LAG3: variants seen among roughly 807,000 people sequenced by gnomAD.
LAG3 encodes lymphocyte activation gene 3 protein.
A neutral mutation model predicts 49.0 loss-of-function variants in LAG3; 29 were observed. That is an observed-to-expected ratio of 0.59 (90% CI 0.44 to 0.81). The LOEUF (loss-of-function observed/expected upper bound fraction) is 0.81, where lower values mean the gene tolerates loss of function less well. LAG3 is among the 30% of genes least tolerant of loss of function. LAG3 has a pLI of 0.00. For missense variants in LAG3, 693 were observed against 695.2 expected (o/e 1.00, Z 0.04); for synonymous variants, 320 against 297.3 (o/e 1.08, Z -0.79).
At chr12:6,774,901 T>C (rs761036074) in intron 4 of LAG3, 37 bp downstream of exon 4, 45 of 1,580,010 alleles carry the variant, frequency 2.8e-5, no homozygotes, top group Non-Finnish European at 3.7e-5. Context: ...TGACCACAAC[T>C]CCTTCCTGCC....
At chr12:6,778,130 G>T in intron 7 of LAG3, 114 bp from the exon 8 acceptor site, 2 of 1,295,832 alleles carry the variant, frequency 1.5e-6, no homozygotes, top group Non-Finnish European at 2.2e-6. Flanking sequence ...GGACCAGATG[G>T]GGAGGGCAGG....
chr12:6,774,848 T>C lies in LAG3; in HGVS notation c.765T>C (p.Tyr255=), dbSNP rs1207460773. Residue 255 remains tyrosine (Y), a synonymous_variant, in exon 4 of 8, where the codon TAT becomes TAC. Coordinates refer to ENST00000203629, the MANE Select transcript of LAG3 (RefSeq NM_002286.6). ...YRDGFNVSIM[Y]NLTVLGLEPP... ...ATGGCTTCAACGTCTCCATCATGTA[T>C]AACCTCACTGTTCTGGGTAACTCCC... 1 of 1,613,960 alleles carries C rather than the reference T, an allele frequency of 6.2e-7. No homozygotes were observed. The highest frequency in any genetic ancestry group is 2.2e-5 in the East Asian group (1 of 44,884).
At chr12:6,774,071 G>C in intron 3 of LAG3, 70 bp downstream of exon 3, 1 of 1,369,342 alleles carries the variant, frequency 7.3e-7, no homozygotes, top group South Asian at 1.7e-5. Context: ...CGGGACGCAG[G>C]AAGGGCTGGG....
rs201869173 is a variant in LAG3 at position 6,773,157 on chromosome 12, G to T, written c.59-35G>T. ...TCTCTACCCCTGCCTCTCGGCTCAC[G>T]CCCCCTCCCCTTGGCCTCTCTTTTG... is the stretch of plus-strand genomic sequence containing the variant. On this transcript the variant is annotated intron_variant, in intron 1 of 7. Transcript: ENST00000203629. The surrounding 1 kb of genome is among the most constrained non-coding windows in gnomAD (Gnocchi z 5.5). 13 of 1,583,966 alleles carry T rather than the reference G, an allele frequency of 8.2e-6. No homozygotes were observed. Among genetic ancestry groups the T allele is most frequent in the Admixed American group, 7.7e-5 (4 of 52,276 alleles).
intron 5 of LAG3, among the ~76,000 whole-genome samples, chr12:6,776,954 G>A (rs1941911775): frequency 6.6e-6 from 1 of 152,306 alleles, no homozygotes; most frequent in South Asian, 2.1e-4. Context: ...TAAGATAAAT[G>A]TGGCCGGCAG....
intron 5 of LAG3, 110 bp from the exon 6 acceptor site, chr12:6,777,154 C>T: frequency 7.7e-7 from 1 of 1,306,424 alleles, no homozygotes; most frequent in Non-Finnish European, 1.1e-6. Flanking sequence ...CCCAACCTCC[C>T]CTGGCCAGAA....
chr12:6,774,349 G>C (rs141288593), intron 3 of LAG3, among the ~76,000 whole-genome samples: 71 of 152,318 alleles, frequency 4.7e-4, no homozygotes, highest in Middle Eastern at 3.4e-3. Flanking sequence ...CCAGGAAAAC[G>C]GCAAGGGTGG....
chr12:6,773,971 C>G lies in LAG3; in HGVS notation c.481C>G (p.Arg161Gly). 4 of 1,440,766 alleles carry G rather than the reference C, an allele frequency of 2.8e-6. No individual in the cohort carries two copies. Among genetic ancestry groups the G allele is most frequent in the African/African-American group, 1.5e-5 (1 of 67,184 alleles). The allele number at this position is 1,440,766 out of a possible 1,614,324, so 89.2% of individuals were successfully genotyped here. The change falls in exon 3 of 8, where the codon CGC becomes GGC. Residue 161 changes from arginine to glycine, a missense_variant. Physicochemically the swap from Arg to Gly is moderately radical, Grantham distance 125. Transcript: ENST00000203629. This position sits in a 1 kb window ranked among gnomAD's most constrained non-coding sequence, Gnocchi z 5.5. ...VHLRDRALSCRLRLRLGQASM... is the reference protein window; with the variant it reads ...VHLRDRALSCGLRLRLGQASM... ...CCTCAGGGACCGCGCCCTCTCCTGC[C>G]GCCTCCGTCTGCGCCTGGGCCAGGC...
intron 3 of LAG3, 47 bp downstream of exon 3, chr12:6,774,048 A>T: frequency 2.9e-6 from 4 of 1,375,066 alleles, no homozygotes; most frequent in Non-Finnish European, 3.7e-6. Flanking sequence ...GTGGGTCCCC[A>T]TCCCCTGCCT....
Position 6,773,695 on chromosome 12 carries a change from A to G in LAG3, c.207-2A>G. The G allele has an allele frequency of 1.5e-6, 2 of 1,355,562 alleles. No individual in the cohort carries two copies. Among genetic ancestry groups the G allele is most frequent in the Non-Finnish European group, 1.9e-6 (2 of 1,060,508 alleles). The allele number at this position is 1,355,562 out of a possible 1,614,324, so 84.0% of individuals were successfully genotyped here. A position where few individuals can be genotyped will look rare whatever the true frequency, so the allele number is the denominator to read the frequency against. On this transcript the variant is annotated splice_acceptor_variant, in intron 2 of 7. Coordinates refer to ENST00000203629, the MANE Select transcript of LAG3 (RefSeq NM_002286.6). LOFTEE classifies it high-confidence loss of function. This position sits in a 1 kb window ranked among gnomAD's most constrained non-coding sequence, Gnocchi z 5.5. The stretch of plus-strand genomic sequence containing the variant: ...CTCAACTCCATTCTCTTTCCCGCCC[A>G]GTGGCCCGCCCGCTGCCGCCCCCGG...
Position 6,778,043 on chromosome 12 carries a change from C to T in LAG3, c.1431+122C>T, listed in dbSNP as rs762943918. 15 of 1,445,870 alleles carry T rather than the reference C, an allele frequency of 1.0e-5. No homozygotes were observed. The African/African-American group carries it at 2.0e-4, about 19-fold the overall frequency. 89.6% of individuals were successfully genotyped at this position (1,445,870 alleles called of 1,614,324 possible). A position where few individuals can be genotyped will look rare whatever the true frequency, so the allele number is the denominator to read the frequency against. On this transcript the variant is annotated intron_variant, in intron 7 of 7. Transcript: ENST00000203629. ...GGGACCCTGAACTTGCCCTCAGAGC[C>T]CCCCTTCTTCATAAGCCTCTCACTC... is the stretch of plus-strand genomic sequence containing the variant.
At chr12:6,776,379 C>T (rs1340268324) in intron 5 of LAG3, among the ~76,000 whole-genome samples, 2 of 152,202 alleles carry the variant, frequency 1.3e-5, no homozygotes, top group Non-Finnish European at 2.9e-5. Flanking sequence ...TACATCCCAT[C>T]AGTCATCAAA....
chr12:6,773,481 C>A lies in LAG3; in HGVS notation c.206+142C>A. 2.6e-6 allele frequency: 3 copies of A among 1,171,286 alleles called. No homozygotes were observed. Among genetic ancestry groups the A allele is most frequent in the Non-Finnish European group, 3.6e-6 (3 of 844,688 alleles). 72.6% of individuals were successfully genotyped at this position (1,171,286 alleles called of 1,614,324 possible). Reference sequence around the variant, plus strand: ...TCTCCCTGCCCTCGCTTGCACCGTTCCTGCCCTTGCTCTGCAATCAGCGAC... The same window carrying A: ...TCTCCCTGCCCTCGCTTGCACCGTTACTGCCCTTGCTCTGCAATCAGCGAC... On this transcript the variant is annotated intron_variant, in intron 2 of 7. Coordinates refer to ENST00000203629, the MANE Select transcript of LAG3 (RefSeq NM_002286.6). The surrounding 1 kb of genome is among the most constrained non-coding windows in gnomAD (Gnocchi z 5.5).
chr12:6,773,794 C>G lies in LAG3; in HGVS notation c.304C>G (p.Leu102Val). ...WGPRPRRYTV[L>V]SVGPGGLRSG... ...GCCCAGGCCCCGCCGCTACACGGTG[C>G]TGAGCGTGGGTCCCGGAGGCCTGCG... The change falls in exon 3 of 8, where the codon CTG (leucine) becomes GTG (valine). Residue 102 changes from leucine (L) to valine (V), a missense_variant. By Grantham distance (32) the Leu-to-Val change is conservative. Transcript: ENST00000203629. The surrounding 1 kb of genome is among the most constrained non-coding windows in gnomAD (Gnocchi z 5.5). 6.5e-6 allele frequency: 9 copies of G among 1,393,724 alleles called. No individual in the cohort carries two copies. The highest frequency in any genetic ancestry group is 8.3e-6 in the Non-Finnish European group (9 of 1,079,450). 86.3% of individuals were successfully genotyped at this position (1,393,724 alleles called of 1,614,324 possible). A position where few individuals can be genotyped will look rare whatever the true frequency, so the allele number is the denominator to read the frequency against.
rs1281833643 is a variant in LAG3 at position 6,777,137 on chromosome 12, G to A, written c.1058-127G>A. ...GATGAACGTGGCCATGACCCATGAT[G>A]TCCTTCCCCAACCTCCCCTGGCCAG... On this transcript the variant is annotated intron_variant, in intron 5 of 7. Coordinates refer to ENST00000203629, the MANE Select transcript of LAG3 (RefSeq NM_002286.6). 9.0e-6 allele frequency: 9 copies of A among 995,430 alleles called. No homozygotes were observed. In the East Asian group the frequency reaches 1.9e-4, roughly 21 times the overall value. The allele number at this position is 995,430 out of a possible 1,614,324, so 61.7% of individuals were successfully genotyped here.
At chr12:6,778,218 GTCTC>G in intron 7 of LAG3, 22 bp from the exon 8 acceptor site, 1 of 1,556,600 alleles carries the variant, frequency 6.4e-7, no homozygotes, top group Middle Eastern at 1.7e-4. Context: ...TCCGCCCTCC[GTCTC>G]TCTCTCCATC....
At position 6,777,471 on chromosome 12, in the gene LAG3, G is replaced by T. The variant is rs1375115847; in HGVS notation, c.1265G>T (p.Gly422Val). The stretch of plus-strand genomic sequence containing the variant: ...CTGTACCAGGGGGAGAGGCTTCTTG[G>T]AGCAGCAGTGTACTTCACAGAGCTG... Reference protein sequence around the residue: ...CQLYQGERLLGAAVYFTELSS... With the variant: ...CQLYQGERLLVAAVYFTELSS... Residue 422 changes from glycine to valine, a missense_variant, in exon 6 of 8, where the codon GGA (glycine) becomes GTA (valine). Transcript: ENST00000203629. 1 of 1,614,108 alleles carries T rather than the reference G, an allele frequency of 6.2e-7. No individual in the cohort carries two copies. The highest frequency in any genetic ancestry group is 8.5e-7 in the Non-Finnish European group (1 of 1,180,016).
At chr12:6,775,241 A>T (rs780655826) in intron 4 of LAG3, 32 bp from the exon 5 acceptor site, 1 of 1,598,316 alleles carries the variant, frequency 6.3e-7, no homozygotes, top group South Asian at 1.1e-5. Context: ...TGCAGCACCC[A>T]GCTTTAACTT....
In LAG3 at chr12:6,772,865, C is replaced by G; in HGVS notation, c.13C>G (p.Gln5Glu). 1 of 1,610,820 alleles carries G rather than the reference C, an allele frequency of 6.2e-7. No homozygotes were observed. Among genetic ancestry groups the G allele is most frequent in the Non-Finnish European group, 8.5e-7 (1 of 1,178,524 alleles). Residue 5 changes from glutamine to glutamate, a missense_variant, in exon 1 of 8, where the codon CAG (glutamine) becomes GAG (glutamate). Gln to Glu is a conservative substitution (Grantham distance 29). Transcript: ENST00000203629. MWEAQFLGLLFLQPL... is the reference protein window; with the variant it reads MWEAEFLGLLFLQPL... ...GACCATAGGAGAGATGTGGGAGGCT[C>G]AGTTCCTGGGCTTGCTGTTTCTGCA...
Sources: gnomAD v4.1 joint callset for allele counts (sites outside exome capture counted in the v4.1 genomes callset) on GRCh38, gnomAD v4.1.1 for gene constraint, Gnocchi (gnomAD v3.1) non-coding constraint, MANE v1.5 for transcripts, NCBI Gene and HGNC (gene_info 2026-07-23, HGNC 2026-07-21) for gene names.